Variants in PTPRF observed in about 807,000 individuals in gnomAD.
The protein encoded by PTPRF is protein tyrosine phosphatase receptor type F.
PTPRF carries 59 observed loss-of-function variants against 201.8 expected under a neutral mutation model. That is an observed-to-expected ratio of 0.29 (90% CI 0.24 to 0.36). PTPRF has a LOEUF of 0.36. Ranked by LOEUF, PTPRF falls within the 10% of genes least tolerant of loss-of-function variation. The pLI is 1.00. For synonymous variants in PTPRF, 1,088 were observed against 1,089.7 expected, an observed-to-expected ratio of 1.00 and a Z score of 0.03; for missense variants, 2,132 against 2,690.5, an observed-to-expected ratio of 0.79 and a Z score of 4.59.
chr1:43,564,608 G>A (rs1454135850), intron 5 of PTPRF, among the ~76,000 whole-genome samples: 1 of 152,132 alleles, frequency 6.6e-6, no homozygotes, highest in Non-Finnish European at 1.5e-5. Context: ...ATTTCTGTGG[G>A]TTCCTGGCTG....
intron 2 of PTPRF, among the ~76,000 whole-genome samples, chr1:43,541,811 A>G (rs1182720200): frequency 2.0e-5 from 3 of 152,248 alleles, no homozygotes; most frequent in Non-Finnish European, 4.4e-5. Context: ...ATTCTATAAT[A>G]TCATACCGTA....
At position 43,605,005 on chromosome 1, in the gene PTPRF, G is replaced by C; in HGVS notation, c.3135+5G>C. On this transcript the variant is annotated splice_donor_5th_base_variant and intron_variant, in intron 17 of 33. Coordinates refer to ENST00000359947, the MANE Select transcript of PTPRF (RefSeq NM_002840.5). ...AAGTCAGCTGTGCCCTTTAAGGTGAGTAAGGGCCACGGCCAGCTGAGCCTG... is the reference window on the plus strand; with the variant it reads ...AAGTCAGCTGTGCCCTTTAAGGTGACTAAGGGCCACGGCCAGCTGAGCCTG... The C allele has an allele frequency of 6.2e-7, 1 of 1,613,358 alleles. No homozygotes were observed. The highest frequency in any genetic ancestry group is 8.5e-7 in the Non-Finnish European group (1 of 1,179,468).
chr1:43,574,027 G>C (rs1483506991), intron 6 of PTPRF, among the ~76,000 whole-genome samples: 1 of 113,054 alleles, frequency 8.8e-6, no homozygotes. Flanking sequence ...ACAGAGTTTC[G>C]CTCTTGGTAC....
intron 5 of PTPRF, among the ~76,000 whole-genome samples, chr1:43,558,451 T>C (rs1474627065): frequency 6.6e-6 from 1 of 152,038 alleles, no homozygotes; most frequent in East Asian, 1.9e-4. Context: ...GGATTGTTAT[T>C]CCCAGTGTGG....
At chr1:43,570,496 GC>G (rs2153987747) in intron 6 of PTPRF, among the ~76,000 whole-genome samples, 1 of 152,366 alleles carries the variant, frequency 6.6e-6, no homozygotes, top group East Asian at 1.9e-4. Context: ...TGCTTCAGAA[GC>G]CCTCCTGCTA....
intron 6 of PTPRF, among the ~76,000 whole-genome samples, chr1:43,571,575 G>C (rs1646570416): frequency 6.6e-6 from 1 of 152,196 alleles, no homozygotes; most frequent in African/African-American, 2.4e-5. Context: ...GTCTCAAGTT[G>C]GTTTGAGAGC....
At chr1:43,535,888 C>T (rs867402591) in intron 1 of PTPRF, among the ~76,000 whole-genome samples, 85 of 152,336 alleles carry the variant, frequency 5.6e-4, no homozygotes, top group African/African-American at 2.0e-3. Context: ...GATCCTCCCA[C>T]CTCAGCCTCC....
At chr1:43,617,162 G>C (rs189342392) in intron 23 of PTPRF, among the ~76,000 whole-genome samples, 1 of 152,172 alleles carries the variant, frequency 6.6e-6, no homozygotes, top group South Asian at 2.1e-4. Flanking sequence ...GTGAGTGCAG[G>C]GCTTCGAGAG....
intron 6 of PTPRF, among the ~76,000 whole-genome samples, chr1:43,573,362 G>A (rs571295937): frequency 5.3e-5 from 8 of 152,276 alleles, no homozygotes; most frequent in African/African-American, 1.7e-4. Context: ...ATCCTTTGTC[G>A]TAGAGGACAG....
In PTPRF at chr1:43,553,619, C is replaced by T. The variant is rs936536087; in HGVS notation, c.219C>T (p.Val73=). The part of the protein sequence containing the change: ...RITWMKKGKK[V]SSQRFEVIEF... ...CATGGATGAAGAAGGGGAAGAAAGT[C>T]AGCTCCCAGCGCTTCGAGGTGCGTC... The change falls in exon 4 of 34, where the codon GTC becomes GTT. Residue 73 remains valine (V), a synonymous_variant. Transcript: ENST00000359947. This position sits in a 1 kb window ranked among gnomAD's most constrained non-coding sequence, Gnocchi z 4.1. 2 of 1,614,048 alleles carry T rather than the reference C, an allele frequency of 1.2e-6. No individual in the cohort carries two copies. Among genetic ancestry groups the T allele is most frequent in the African/African-American group, 2.7e-5 (2 of 74,926 alleles).
At chr1:43,555,921 G>C (rs570092993) in intron 5 of PTPRF, among the ~76,000 whole-genome samples, 1 of 152,220 alleles carries the variant, frequency 6.6e-6, no homozygotes, top group South Asian at 2.1e-4. Context: ...CCTTATTCTA[G>C]GTTCATGGAA....
chr1:43,622,167 C>CA lies in PTPRF; in HGVS notation c.*165dup. 2.8e-6 allele frequency: 2 copies of CA among 726,498 alleles called. No homozygotes were observed. The highest frequency in any genetic ancestry group is 2.3e-6 in the Non-Finnish European group (1 of 434,596). The allele number at this position is 726,498 out of a possible 1,614,324, so 45.0% of individuals were successfully genotyped here. A position where few individuals can be genotyped will look rare whatever the true frequency, so the allele number is the denominator to read the frequency against. ...GTTTCAGGAACGTTGCCACACCAAT[C>CA]AGAGAGCCTAGAACATCCCTGGGCA... On this transcript the variant is annotated 3_prime_UTR_variant, in exon 34 of 34. Transcript: ENST00000359947.
At chr1:43,541,441 G>C (rs1644356489) in intron 2 of PTPRF, among the ~76,000 whole-genome samples, 1 of 152,176 alleles carries the variant, frequency 6.6e-6, no homozygotes, top group Non-Finnish European at 1.5e-5. Context: ...TGAATCTTCT[G>C]TGACGTTCAT....
At chr1:43,597,015 G>A (rs1410187102) in intron 11 of PTPRF, among the ~76,000 whole-genome samples, 2 of 152,074 alleles carry the variant, frequency 1.3e-5, no homozygotes, top group Admixed American at 6.5e-5. Context: ...GTGACACTGT[G>A]AGACACCAAG....
At chr1:43,583,233 C>T (rs1047403148) in intron 7 of PTPRF, 28 of 558,250 alleles carry the variant, frequency 5.0e-5, no homozygotes, top group South Asian at 7.8e-5. Flanking sequence ...TTTGGGCCGG[C>T]GGGCAGGCAG....
intron 6 of PTPRF, among the ~76,000 whole-genome samples, chr1:43,571,546 C>T (rs1426329087): frequency 6.6e-6 from 1 of 152,224 alleles, no homozygotes; most frequent in African/African-American, 2.4e-5. Context: ...TAAGTGGCAC[C>T]CTCCAACCTG....
intron 2 of PTPRF, among the ~76,000 whole-genome samples, chr1:43,544,356 A>G (rs545172011): frequency 5.3e-5 from 8 of 152,330 alleles, no homozygotes; most frequent in South Asian, 4.1e-4. Flanking sequence ...GAGGGTGGCC[A>G]GGCAGGGCAG....
At chr1:43,582,134 C>G (rs1647832125) in intron 7 of PTPRF, among the ~76,000 whole-genome samples, 1 of 152,206 alleles carries the variant, frequency 6.6e-6, no homozygotes. Flanking sequence ...CCTTCTGTCC[C>G]CCAAATTCTC....
At chr1:43,524,647 G>A (rs1015594261), upstream of PTPRF, among the ~76,000 whole-genome samples, 3 of 152,188 alleles carry the variant, frequency 2.0e-5, no homozygotes, top group African/African-American at 7.2e-5. Context: ...TGAGAAGCAG[G>A]AGTGGGTAGG....
Sources: gnomAD v4.1 joint callset for allele counts (sites outside exome capture counted in the v4.1 genomes callset) on GRCh38, gnomAD v4.1.1 for gene constraint, Gnocchi (gnomAD v3.1) non-coding constraint, MANE v1.5 for transcripts, NCBI Gene and HGNC (gene_info 2026-07-23, HGNC 2026-07-21) for gene names.